The following CHD2 variants were observed in gnomAD, a reference collection of about 807,000 sequenced individuals.
CHD2 encodes the protein ATP-dependent chromatin remodeler CHD2.
In CHD2, 28 loss-of-function variants were observed where a neutral mutation model predicts 243.9. That is an observed-to-expected ratio of 0.11 (90% CI 0.09 to 0.16). The LOEUF is 0.16. CHD2 is among the 10% of genes least tolerant of loss of function. The probability of loss-of-function intolerance (pLI) is 1.00; values close to 1 mark genes in which losing one functional copy is unlikely to be tolerated. For synonymous variants in CHD2, 775 were observed against 779.0 expected (o/e 0.99, Z 0.09); for missense variants, 1,386 against 2,209.8 (o/e 0.63, Z 7.47).
chr15:92,906,660 C>T (rs1425524465), intron 2 of CHD2, among the ~76,000 whole-genome samples: 2 of 115,346 alleles, frequency 1.7e-5, no homozygotes, highest in Middle Eastern at 3.8e-3. Flanking sequence ...TTGCTATGAG[C>T]CATCTTTTTT....
chr15:92,933,445 C>T (rs2053210922), intron 5 of CHD2, among the ~76,000 whole-genome samples: 2 of 152,168 alleles, frequency 1.3e-5, no homozygotes, highest in South Asian at 4.1e-4. Context: ...ATTGTAATCT[C>T]TGACTTAGAG....
At chr15:92,975,733 C>T (rs761843113) in intron 20 of CHD2, among the ~76,000 whole-genome samples, 2 of 151,874 alleles carry the variant, frequency 1.3e-5, no homozygotes, top group Non-Finnish European at 2.9e-5. Flanking sequence ...CTCTTGATGC[C>T]TGTGCCTGTT....
At chr15:92,938,587 A>G (rs2053306087) in intron 6 of CHD2, among the ~76,000 whole-genome samples, 1 of 152,170 alleles carries the variant, frequency 6.6e-6, no homozygotes. Flanking sequence ...ATCTCAGCTT[A>G]ATAAGTTTAT....
intron 2 of CHD2, among the ~76,000 whole-genome samples, chr15:92,920,145 G>C (rs57423624): frequency 6.9e-6 from 1 of 145,140 alleles, no homozygotes; most frequent in African/African-American, 2.4e-5. Flanking sequence ...CAGAAAAACG[G>C]CTTTTTTTTT....
In CHD2 at chr15:92,949,024, C is replaced by G; in HGVS notation, c.1450C>G (p.Leu484Val). 6.2e-7 allele frequency: 1 copy of G among 1,614,008 alleles called. No homozygotes were observed. The stretch of plus-strand genomic sequence containing the variant: ...ATATTTAGGAGGGGAGAATCTGGAA[C>G]TTCGAGATTATCAGCTAGAAGGTCT... ...PAYLGGENLE[L>V]RDYQLEGLNW... is the part of the protein sequence containing the mutation. The change falls in exon 13 of 39, where the codon CTT (leucine) becomes GTT (valine). Residue 484 changes from leucine (L) to valine (V), a missense_variant. Around this residue, in one of 19 missense-constraint regions of CHD2, gnomAD observed 14 missense variants for 26.8 expected, o/e 0.52. Transcript: ENST00000394196.
intron 38 of CHD2, chr15:93,020,887 T>TC (rs2054527177): frequency 6.5e-6 from 1 of 153,282 alleles, no homozygotes; most frequent in Non-Finnish European, 1.5e-5. Flanking sequence ...TATAAACGTG[T>TC]CAAAGTCGTG....
intron 12 of CHD2, among the ~76,000 whole-genome samples, chr15:92,948,744 C>T (rs908328762): frequency 3.3e-5 from 5 of 152,122 alleles, no homozygotes; most frequent in African/African-American, 4.8e-5. Flanking sequence ...GAGGCTGAGG[C>T]AGGAGAATGG....
chr15:93,013,679 A>C (rs2054420525), intron 36 of CHD2, among the ~76,000 whole-genome samples: 1 of 152,184 alleles, frequency 6.6e-6, no homozygotes, highest in African/African-American at 2.4e-5. Context: ...TCGTGCCTGT[A>C]ATCCCAGCAC....
chr15:92,920,871 A>G (rs766961135), intron 2 of CHD2, among the ~76,000 whole-genome samples: 28 of 152,242 alleles, frequency 1.8e-4, no homozygotes, highest in Non-Finnish European at 3.8e-4. Context: ...ATCAAAGGAG[A>G]TATGCTTAGT....
intron 28 of CHD2, among the ~76,000 whole-genome samples, chr15:92,993,653 C>T (rs2054150610): frequency 1.3e-5 from 2 of 148,506 alleles, no homozygotes; most frequent in Admixed American, 1.3e-4. Flanking sequence ...TTTAAAGAAA[C>T]GAAGAGAGGC....
intron 38 of CHD2, chr15:93,021,414 A>G (rs2054533512): frequency 6.6e-6 from 1 of 152,184 alleles, no homozygotes; most frequent in Non-Finnish European, 1.5e-5. Flanking sequence ...GTTTCCATAA[A>G]ATTTGGAAAT....
At chr15:93,007,081 T>G (rs879359799) in intron 34 of CHD2, among the ~76,000 whole-genome samples, 1 of 152,212 alleles carries the variant, frequency 6.6e-6, no homozygotes, top group Non-Finnish European at 1.5e-5. Context: ...TGGTGGGTCA[T>G]TCATTAGGTG....
At chr15:92,956,152 CAT>C (rs2053615150) in intron 15 of CHD2, among the ~76,000 whole-genome samples, 1 of 152,184 alleles carries the variant, frequency 6.6e-6, no homozygotes, top group East Asian at 1.9e-4. Context: ...AATACAGAAT[CAT>C]ATGGTTTTTT....
chr15:92,970,209 A>G (rs2053822640), intron 17 of CHD2, among the ~76,000 whole-genome samples: 1 of 150,960 alleles, frequency 6.6e-6, no homozygotes, highest in South Asian at 2.1e-4. Context: ...AATTATTATT[A>G]TTATTTTTTG....
chr15:92,994,010 GTTA>G (rs908230158), intron 28 of CHD2, among the ~76,000 whole-genome samples: 2 of 152,078 alleles, frequency 1.3e-5, no homozygotes, highest in Non-Finnish European at 2.9e-5. Flanking sequence ...AAGAAATGAA[GTTA>G]TTATCATTCT....
intron 2 of CHD2, among the ~76,000 whole-genome samples, chr15:92,908,667 C>G (rs1440999186): frequency 6.6e-6 from 1 of 152,152 alleles, no homozygotes; most frequent in Non-Finnish European, 1.5e-5. Flanking sequence ...ATTGCCTGTC[C>G]CATTTTTAAA....
At chr15:92,908,231 GGT>G (rs1325409066) in intron 2 of CHD2, among the ~76,000 whole-genome samples, 1 of 151,254 alleles carries the variant, frequency 6.6e-6, no homozygotes, top group Non-Finnish European at 1.5e-5. Flanking sequence ...TGAATACTGT[GGT>G]GCACTGCTCC....
intron 25 of CHD2, 139 bp from the exon 26 acceptor site, chr15:92,985,359 T>G: frequency 1.3e-6 from 1 of 769,386 alleles, no homozygotes; most frequent in Non-Finnish European, 1.9e-6. Flanking sequence ...TGTCTCCCCT[T>G]ATTTGTCAAA....
intron 16 of CHD2, among the ~76,000 whole-genome samples, chr15:92,961,231 G>A (rs962214103): frequency 6.6e-6 from 1 of 152,056 alleles, no homozygotes. Flanking sequence ...CCTTCACTTT[G>A]TGGGAAAATT....
Sources: gnomAD v4.1 joint callset for allele counts (sites outside exome capture counted in the v4.1 genomes callset) on GRCh38, gnomAD v4.1.1 for gene constraint, gnomAD v4.1.1 regional missense constraint, MANE v1.5 for transcripts, NCBI Gene and HGNC (gene_info 2026-07-23, HGNC 2026-07-21) for gene names.